Variants in LTA4H observed in about 807,000 individuals in gnomAD.
LTA4H encodes leukotriene A-4 hydrolase.
A neutral mutation model predicts 89.8 loss-of-function variants in LTA4H; 59 were observed. The observed-to-expected ratio is 0.66, with a 90% CI of 0.53 to 0.82. LTA4H has a LOEUF of 0.82. Ranked by LOEUF, LTA4H falls within the 40% of genes least tolerant of loss-of-function variation. The pLI is 0.00. For synonymous variants in LTA4H, 227 were observed against 253.1 expected, an observed-to-expected ratio of 0.90 and a Z score of 0.98; for missense variants, 617 against 727.0, an observed-to-expected ratio of 0.85 and a Z score of 1.74.
chr12:96,013,289 T>G, intron 13 of LTA4H, 31 bp from the exon 14 acceptor site: 1 of 1,493,638 alleles, frequency 6.7e-7, no homozygotes, highest in Non-Finnish European at 9.3e-7. Flanking sequence ...CAGTTTACAA[T>G]AGAATGCCCT....
chr12:96,016,987 C>G, intron 10 of LTA4H, 57 bp downstream of exon 10: 1 of 1,108,126 alleles, frequency 9.0e-7, no homozygotes. Context: ...TGGTAGGAGG[C>G]AGGGAAAAAA....
chr12:96,023,312 T>A (rs145908273), intron 4 of LTA4H, among the ~76,000 whole-genome samples: 1 of 150,200 alleles, frequency 6.7e-6, no homozygotes, highest in African/African-American at 2.4e-5. Context: ...TTCATTTAGG[T>A]GGTGATACGT....
At chr12:96,031,116 C>T (rs573300624) in intron 1 of LTA4H, among the ~76,000 whole-genome samples, 62 of 152,228 alleles carry the variant, frequency 4.1e-4, no homozygotes, top group South Asian at 8.3e-4. Context: ...TTTTGTGAAA[C>T]GTTTTGATAT....
Position 96,003,073 on chromosome 12 carries a change from A to T in LTA4H, c.1614-9T>A, listed in dbSNP as rs747374518. The T allele has an allele frequency of 4.3e-5, 67 of 1,570,772 alleles. No homozygotes were observed. The highest frequency in any genetic ancestry group is 5.0e-5 in the Non-Finnish European group (58 of 1,151,300). On this transcript the variant is annotated splice_polypyrimidine_tract_variant and intron_variant, in intron 17 of 18. Transcript: ENST00000228740. ...TGCAGAGCCGCAGCCATCTAAAAGGAGGATTTGGGGGGAGCATGGAGTAGA... is the reference window on the plus strand; with the variant it reads ...TGCAGAGCCGCAGCCATCTAAAAGGTGGATTTGGGGGGAGCATGGAGTAGA...
intron 11 of LTA4H, 87 bp from the exon 12 acceptor site, chr12:96,015,086 CAGT>C (rs1413995597): frequency 1.8e-5 from 22 of 1,246,530 alleles, no homozygotes; most frequent in African/African-American, 7.5e-5. Context: ...TTACTTCACT[CAGT>C]GGTGTAACTT....
At chr12:96,035,628 G>A (rs765368362), upstream of LTA4H, 518 of 1,445,890 alleles carry the variant, frequency 3.6e-4, no homozygotes, top group Non-Finnish European at 4.5e-4. Flanking sequence ...GAGGAGGAGG[G>A]ATTCGCGGTG....
chr12:96,035,800 A>G (rs918953966), upstream of LTA4H: 3 of 450,806 alleles, frequency 6.7e-6, no homozygotes, highest in African/African-American at 6.0e-5. Context: ...GAGCTGAAGA[A>G]GAGGAGGGGA....
chr12:96,026,558 C>G (rs1286860173), intron 3 of LTA4H, among the ~76,000 whole-genome samples: 1 of 152,180 alleles, frequency 6.6e-6, no homozygotes, highest in Non-Finnish European at 1.5e-5. Context: ...AACATTTCAT[C>G]TCTTCTAGAT....
chr12:96,029,265 C>A, intron 1 of LTA4H, 80 bp from the exon 2 acceptor site: 1 of 739,566 alleles, frequency 1.4e-6, no homozygotes, highest in East Asian at 3.0e-5. Flanking sequence ...GCTACAACAA[C>A]TAGTTGCTTA....
rs553542140 is a variant in LTA4H at position 96,010,759 on chromosome 12, G to A, written c.1380-1611C>T. 7 of 152,364 alleles carry A rather than the reference G, an allele frequency of 4.6e-5. No homozygotes were observed. In the East Asian group the frequency reaches 9.6e-4, roughly 21 times the overall value. The allele number at this position is 152,364 out of a possible 1,614,324, so 9.4% of individuals were successfully genotyped here. ...AGGTTTACTCTAGCTTTAGTGTGGA[G>A]AGTGGCTGGGAGAAGTCAGAACAGA... On this transcript the variant is annotated intron_variant, in intron 14 of 18. Transcript: ENST00000228740.
At chr12:96,025,641 G>C (rs1472094955) in intron 3 of LTA4H, among the ~76,000 whole-genome samples, 1 of 152,000 alleles carries the variant, frequency 6.6e-6, no homozygotes, top group Admixed American at 6.6e-5. Flanking sequence ...GACCAGCCTG[G>C]GCAACATAGT....
At chr12:96,040,555 T>C (rs1950679730), upstream of LTA4H, among the ~76,000 whole-genome samples, 1 of 152,196 alleles carries the variant, frequency 6.6e-6, no homozygotes, top group Admixed American at 6.5e-5. Flanking sequence ...TTTTAACCTT[T>C]TCTCTATTCT....
Position 96,027,349 on chromosome 12 carries a change from C to T in LTA4H, c.411+95G>A, listed in dbSNP as rs1024183617. ...AATTAATACATTTTATTAGGTAAAA[C>T]CTACATAATCCATAAAACCACTGTT... On this transcript the variant is annotated intron_variant, in intron 3 of 18. Transcript: ENST00000228740. 4 of 1,068,834 alleles carry T rather than the reference C, an allele frequency of 3.7e-6. No individual in the cohort carries two copies. In the Admixed American group the frequency reaches 1.1e-4, roughly 29 times the overall value. The allele number at this position is 1,068,834 out of a possible 1,614,324, so 66.2% of individuals were successfully genotyped here.
intron 1 of LTA4H, among the ~76,000 whole-genome samples, chr12:96,033,767 C>G (rs1431810874): frequency 6.6e-6 from 1 of 152,138 alleles, no homozygotes; most frequent in African/African-American, 2.4e-5. Flanking sequence ...TCCATGTGTT[C>G]TCATTGTTCA....
chr12:96,008,866 C>A (rs1197769565), intron 15 of LTA4H, among the ~76,000 whole-genome samples: 1 of 151,792 alleles, frequency 6.6e-6, no homozygotes, highest in Non-Finnish European at 1.5e-5. Flanking sequence ...CTGCAATGAG[C>A]CATGATCACG....
At position 96,003,928 on chromosome 12, in the gene LTA4H, C is replaced by G. The variant is rs1315157238; in HGVS notation, c.1531-8G>C. ...CCCCAATGGAAGAGGTGCCTAAGAG[C>G]AAAATAAAGAAGTATACCGTATCAT... On this transcript the variant is annotated splice_region_variant and splice_polypyrimidine_tract_variant and intron_variant, in intron 16 of 18. Coordinates refer to ENST00000228740, the MANE Select transcript of LTA4H (RefSeq NM_000895.3). 1 of 1,583,434 alleles carries G rather than the reference C, an allele frequency of 6.3e-7. No individual in the cohort carries two copies.
At chr12:96,036,499 C>T (rs1305314463), upstream of LTA4H, among the ~76,000 whole-genome samples, 2 of 152,128 alleles carry the variant, frequency 1.3e-5, no homozygotes, top group African/African-American at 2.4e-5. Flanking sequence ...TGGTCAGACT[C>T]ATGTTATAAA....
intron 2 of LTA4H, chr12:96,028,075 T>G (rs1045837686): frequency 6.6e-6 from 1 of 152,404 alleles, no homozygotes; most frequent in African/African-American, 2.4e-5. Flanking sequence ...TGTGTGCTTG[T>G]ATTTCATCTC....
Position 96,035,556 on chromosome 12 carries a change from C to A in LTA4H, c.-37G>T. ...ATCACACAGCACAGCGACCTACAGC[C>A]CAACGCTCAGCTACCAGACTCGTCG... On this transcript the variant is annotated 5_prime_UTR_variant, in exon 1 of 19. Coordinates refer to ENST00000228740, the MANE Select transcript of LTA4H (RefSeq NM_000895.3). The A allele has an allele frequency of 6.4e-7, 1 of 1,561,946 alleles. No individual in the cohort carries two copies. The highest frequency in any genetic ancestry group is 2.3e-5 in the East Asian group (1 of 42,898).
Sources: gnomAD v4.1 joint callset for allele counts (sites outside exome capture counted in the v4.1 genomes callset) on GRCh38, gnomAD v4.1.1 for gene constraint, MANE v1.5 for transcripts, NCBI Gene and HGNC (gene_info 2026-07-23, HGNC 2026-07-21) for gene names.